Variants in STK31 observed in about 807,000 individuals in gnomAD.
STK31 encodes the protein serine/threonine kinase 31.
Under a neutral mutation model 129.7 loss-of-function variants are expected in STK31, and 89 were observed. The observed-to-expected ratio is 0.69, with a 90% CI of 0.58 to 0.82. The LOEUF is 0.82. Among genes scored for constraint, STK31 ranks in the 40% least tolerant of loss-of-function variants. STK31 has a pLI of 0.00. For synonymous variants in STK31, 448 were observed against 395.3 expected (o/e 1.13, Z -1.58); for missense variants, 1,187 against 1,176.4 (o/e 1.01, Z -0.13).
At chr7:23,822,920 A>G (rs1793881281) in intron 23 of STK31, among the ~76,000 whole-genome samples, 1 of 152,228 alleles carries the variant, frequency 6.6e-6, no homozygotes, top group Non-Finnish European at 1.5e-5. Context: ...TACAAAGGAC[A>G]TGAACTCATC....
intron 23 of STK31, among the ~76,000 whole-genome samples, chr7:23,820,291 C>A (rs569745146): frequency 6.6e-5 from 10 of 152,084 alleles, no homozygotes; most frequent in Non-Finnish European, 1.3e-4. Context: ...AAAAATCAGC[C>A]CTTTGTATCT....
intron 17 of STK31, 94 bp from the exon 18 acceptor site, chr7:23,785,384 C>T (rs1437678261): frequency 3.3e-6 from 5 of 1,509,400 alleles, no homozygotes; most frequent in Non-Finnish European, 3.6e-6. Context: ...TGATGGTGTC[C>T]AAGTCATTTA....
intron 21 of STK31, among the ~76,000 whole-genome samples, 184 bp downstream of exon 21, chr7:23,788,313 T>C (rs1441854380): frequency 6.8e-6 from 1 of 147,946 alleles, no homozygotes; most frequent in African/African-American, 2.7e-5. Flanking sequence ...GTATTGTGTA[T>C]TTTAACCATA....
chr7:23,765,674 A>T (rs1435821088), intron 11 of STK31, among the ~76,000 whole-genome samples: 1 of 150,126 alleles, frequency 6.7e-6, no homozygotes, highest in Non-Finnish European at 1.5e-5. Flanking sequence ...CTCCTTCCTC[A>T]GCCTCATGAG....
chr7:23,795,018 A>G (rs1471068684), intron 22 of STK31, among the ~76,000 whole-genome samples: 1 of 152,246 alleles, frequency 6.6e-6, no homozygotes, highest in Non-Finnish European at 1.5e-5. Context: ...GTTTCCTGGG[A>G]GAAACTCAAG....
intron 22 of STK31, among the ~76,000 whole-genome samples, chr7:23,791,790 T>C (rs1791635034): frequency 6.6e-6 from 1 of 152,192 alleles, no homozygotes; most frequent in African/African-American, 2.4e-5. Context: ...GGATTAAGTA[T>C]TAAGAGAAGG....
At chr7:23,715,090 A>G (rs563555423) in intron 3 of STK31, among the ~76,000 whole-genome samples, 59 of 152,342 alleles carry the variant, frequency 3.9e-4, no homozygotes, top group Non-Finnish European at 6.8e-4. Flanking sequence ...GGTTATTTCA[A>G]TAAGCAAATT....
intron 8 of STK31, among the ~76,000 whole-genome samples, chr7:23,744,517 C>G (rs750462069): frequency 2.0e-5 from 3 of 151,988 alleles, no homozygotes; most frequent in Non-Finnish European, 2.9e-5. Flanking sequence ...TTCTTGTCTT[C>G]TCATGTTTCT....
At chr7:23,720,544 TA>T (rs1786631924) in intron 4 of STK31, among the ~76,000 whole-genome samples, 2 of 152,150 alleles carry the variant, frequency 1.3e-5, no homozygotes, top group African/African-American at 4.8e-5. Context: ...AATACACTTT[TA>T]AAATGCTAGA....
chr7:23,730,878 A>ATATATATATATATATATATATATATATTT, intron 6 of STK31, among the ~76,000 whole-genome samples: 17 of 59,524 alleles, frequency 2.9e-4, no homozygotes, highest in East Asian at 9.0e-4. Context: ...ATATATATAT[A>ATATATATATATATATATATATATATATTT]TTTTTTTTTT....
chr7:23,828,974 G>A (rs544505855), intron 23 of STK31, among the ~76,000 whole-genome samples: 2 of 151,466 alleles, frequency 1.3e-5, no homozygotes, highest in Admixed American at 6.6e-5. Flanking sequence ...ATCTCAGCGC[G>A]CTGCAACCTC....
chr7:23,748,980 C>A (rs1788519419), intron 8 of STK31, among the ~76,000 whole-genome samples: 1 of 152,274 alleles, frequency 6.6e-6, no homozygotes, highest in Middle Eastern at 3.4e-3. Flanking sequence ...TTAATTATAT[C>A]CAATTTATTG....
At chr7:23,756,964 G>A (rs1358355614) in intron 10 of STK31, among the ~76,000 whole-genome samples, 1 of 152,006 alleles carries the variant, frequency 6.6e-6, no homozygotes, top group Non-Finnish European at 1.5e-5. Context: ...TTTTTGTTGT[G>A]TCTTTTCCCG....
intron 5 of STK31, chr7:23,727,626 G>A (rs1443297877): frequency 8.8e-6 from 2 of 228,458 alleles, no homozygotes; most frequent in Non-Finnish European, 1.5e-5. Context: ...GCAGTGGTAC[G>A]ATCTTGGCTC....
In STK31 at chr7:23,810,669, A is replaced by ATATATATAAAATAGATAT. The variant is rs1314245994; in HGVS notation, c.2761-4456_2761-4439dup. Among the ~76,000 whole-genome samples the ATATATATAAAATAGATAT allele has an allele frequency of 1.5e-3, 200 of 131,730 alleles. 21 individuals carry two copies. The highest frequency in any genetic ancestry group is 4.6e-3 in the African/African-American group (158 of 34,250). The allele number at this position is 131,730 out of a possible 152,430, so 86.4% of individuals were successfully genotyped here. On this transcript the variant is annotated intron_variant, in intron 22 of 23. Transcript: ENST00000355870. ...TAAATTATATATATAAAAATATATA[A>ATATATATAAAATAGATAT]TATATATAAAATAGATATTATATAT...
intron 22 of STK31, among the ~76,000 whole-genome samples, chr7:23,792,812 A>G (rs1791722572): frequency 6.6e-6 from 1 of 152,180 alleles, no homozygotes; most frequent in African/African-American, 2.4e-5. Flanking sequence ...GCTTAATGCC[A>G]GGAGTTGAAG....
intron 22 of STK31, among the ~76,000 whole-genome samples, chr7:23,808,169 A>ATTTT (rs1554297151): frequency 0.076 from 11,189 of 146,278 alleles, 498 homozygotes; most frequent in South Asian, 0.12. Context: ...ATATATATAT[A>ATTTT]TTTTTTGTAG....
intron 23 of STK31, among the ~76,000 whole-genome samples, chr7:23,818,560 T>C (rs749108736): frequency 1.2e-4 from 18 of 151,904 alleles, no homozygotes; most frequent in Non-Finnish European, 4.4e-5. Flanking sequence ...AAATAGACTT[T>C]ATAGTAGCTT....
In STK31 at chr7:23,750,067, T is replaced by TCCCCCCCCC. The variant is rs1171568592; in HGVS notation, c.1018-2642_1018-2641insCCCCCCCCC. 4.3e-3 allele frequency among the ~76,000 whole-genome samples: 385 copies of TCCCCCCCCC among 90,084 alleles called. 26 individuals are homozygous for TCCCCCCCCC. The highest frequency in any genetic ancestry group is 5.8e-3 in the Non-Finnish European group (246 of 42,502). 59.1% of individuals were successfully genotyped at this position (90,084 alleles called of 152,430 possible). A position where few individuals can be genotyped will look rare whatever the true frequency, so the allele number is the denominator to read the frequency against. ...CTGGGATATTTCAGAATGGTTTGTT[T>TCCCCCCCCC]CCCCCCCCGCCACTGCTGGAAACAT... On this transcript the variant is annotated intron_variant, in intron 8 of 23. Transcript: ENST00000355870.
Sources: gnomAD v4.1 joint callset for allele counts (sites outside exome capture counted in the v4.1 genomes callset) on GRCh38, gnomAD v4.1.1 for gene constraint, MANE v1.5 for transcripts, NCBI Gene and HGNC (gene_info 2026-07-23, HGNC 2026-07-21) for gene names.